Variants in COMMD10 observed in about 807,000 individuals in gnomAD.
COMMD10 encodes COMM domain containing 10.
COMMD10 carries 33 observed loss-of-function variants against 28.9 expected under a neutral mutation model. The ratio of observed to expected loss-of-function variants is 1.14; its 90% confidence interval spans 0.87 to 1.53. COMMD10 has a LOEUF of 1.53. COMMD10 is among the 40% of genes most tolerant of loss of function. The probability of loss-of-function intolerance (pLI) is 0.00; values close to 1 mark genes in which losing one functional copy is unlikely to be tolerated. For synonymous variants in COMMD10, 110 were observed against 81.7 expected (o/e 1.35, Z -1.87); for missense variants, 310 against 233.4 (o/e 1.33, Z -2.14).
chr5:116,182,875 T>C (rs1471277665), intron 5 of COMMD10, among the ~76,000 whole-genome samples: 1 of 152,090 alleles, frequency 6.6e-6, no homozygotes, highest in Non-Finnish European at 1.5e-5. Context: ...TCCCCCATGC[T>C]GTCCTTATGA....
At chr5:116,121,236 G>C (rs1378043555) in intron 4 of COMMD10, among the ~76,000 whole-genome samples, 2 of 152,010 alleles carry the variant, frequency 1.3e-5, no homozygotes, top group Non-Finnish European at 2.9e-5. Flanking sequence ...GCGGTGTTTG[G>C]TTTTCTGTCC....
chr5:116,261,326 T>C (rs1750438177), intron 5 of COMMD10, among the ~76,000 whole-genome samples: 1 of 151,694 alleles, frequency 6.6e-6, no homozygotes, highest in Non-Finnish European at 1.5e-5. Context: ...CCGTTGCTAT[T>C]TGCTTTTAAG....
At chr5:116,197,936 G>T (rs6859442) in intron 5 of COMMD10, among the ~76,000 whole-genome samples, 11,904 of 152,110 alleles carry the variant, frequency 0.078, 893 homozygotes, top group African/African-American at 0.19. Context: ...CAGAACTATG[G>T]ATGCTTTCCT....
intron 5 of COMMD10, among the ~76,000 whole-genome samples, chr5:116,230,854 G>A (rs374314412): frequency 5.0e-5 from 7 of 139,626 alleles, no homozygotes; most frequent in Non-Finnish European, 6.2e-5. Context: ...TAAATAATAC[G>A]TGTGTGTGTG....
At chr5:116,147,477 A>G (rs1467921810) in intron 5 of COMMD10, among the ~76,000 whole-genome samples, 1 of 151,924 alleles carries the variant, frequency 6.6e-6, no homozygotes, top group Non-Finnish European at 1.5e-5. Flanking sequence ...CAAATTATAC[A>G]GTATTTTAAA....
At chr5:116,218,881 A>G (rs530524295) in intron 5 of COMMD10, among the ~76,000 whole-genome samples, 22 of 152,248 alleles carry the variant, frequency 1.4e-4, no homozygotes, top group Admixed American at 1.2e-3. Flanking sequence ...AGACAGTGTT[A>G]TAGATTGAAT....
At chr5:116,128,136 C>T (rs55754311) in intron 4 of COMMD10, among the ~76,000 whole-genome samples, 12,565 of 151,862 alleles carry the variant, frequency 0.083, 1,009 homozygotes, top group African/African-American at 0.2. Flanking sequence ...ATTTTCTTTT[C>T]CTATTTTGAG....
At chr5:116,114,004 G>A (rs190747693) in intron 4 of COMMD10, among the ~76,000 whole-genome samples, 4 of 151,972 alleles carry the variant, frequency 2.6e-5, no homozygotes, top group Non-Finnish European at 5.9e-5. Flanking sequence ...TTATTTCTGG[G>A]TGTGCGCATT....
intron 4 of COMMD10, among the ~76,000 whole-genome samples, chr5:116,114,952 T>G (rs1266466591): frequency 6.6e-6 from 1 of 152,134 alleles, no homozygotes; most frequent in Non-Finnish European, 1.5e-5. Context: ...GGCTGGAGTT[T>G]ATGTCACGCT....
At chr5:116,256,572 A>G (rs572110256) in intron 5 of COMMD10, among the ~76,000 whole-genome samples, 2 of 151,662 alleles carry the variant, frequency 1.3e-5, no homozygotes, top group South Asian at 2.1e-4. Flanking sequence ...CATTTGAAAC[A>G]GTATACAGGT....
intron 4 of COMMD10, among the ~76,000 whole-genome samples, chr5:116,122,453 T>A (rs929048642): frequency 2.6e-5 from 4 of 152,224 alleles, no homozygotes; most frequent in African/African-American, 9.7e-5. Context: ...CAGGATTGAC[T>A]TGGCAATGAG....
chr5:116,227,984 G>A (rs1194491251), intron 5 of COMMD10, among the ~76,000 whole-genome samples: 1 of 152,016 alleles, frequency 6.6e-6, no homozygotes, highest in Non-Finnish European at 1.5e-5. Flanking sequence ...AGAATAAAAT[G>A]TCATCAGAAT....
intron 5 of COMMD10, among the ~76,000 whole-genome samples, chr5:116,234,925 G>T (rs1276154695): frequency 6.6e-6 from 1 of 152,170 alleles, no homozygotes; most frequent in African/African-American, 2.4e-5. Flanking sequence ...TTAGAAAAGA[G>T]TTGGATAAGA....
At chr5:116,228,223 A>G (rs1036041832) in intron 5 of COMMD10, among the ~76,000 whole-genome samples, 2 of 151,984 alleles carry the variant, frequency 1.3e-5, no homozygotes, top group Non-Finnish European at 2.9e-5. Context: ...GATTTGGTTG[A>G]AAAATAAACT....
chr5:116,086,884 C>T (rs965529627), intron 1 of COMMD10, among the ~76,000 whole-genome samples: 1 of 152,206 alleles, frequency 6.6e-6, no homozygotes, highest in African/African-American at 2.4e-5. Flanking sequence ...GGCTGAGGCA[C>T]AAGGATTCTT....
At chr5:116,248,447 G>A (rs370300713) in intron 5 of COMMD10, among the ~76,000 whole-genome samples, 9 of 151,964 alleles carry the variant, frequency 5.9e-5, no homozygotes, top group South Asian at 2.1e-4. Flanking sequence ...CAAAGACTCC[G>A]GAAAGGTAAA....
At chr5:116,122,564 C>T (rs980258286) in intron 4 of COMMD10, among the ~76,000 whole-genome samples, 1 of 152,168 alleles carries the variant, frequency 6.6e-6, no homozygotes, top group African/African-American at 2.4e-5. Flanking sequence ...CTATAAATTA[C>T]CTTGGGCAGT....
chr5:116,131,826 A>G (rs576623199), intron 4 of COMMD10, among the ~76,000 whole-genome samples: 68 of 152,174 alleles, frequency 4.5e-4, no homozygotes, highest in African/African-American at 1.3e-3. Flanking sequence ...AAAGGAAAAA[A>G]TAACAGAGGA....
At chr5:116,145,943 T>G (rs1001425887) in intron 5 of COMMD10, among the ~76,000 whole-genome samples, 1 of 151,944 alleles carries the variant, frequency 6.6e-6, no homozygotes, top group African/African-American at 2.4e-5. Context: ...TTTTATAAAT[T>G]ACCCTTTCTT....
Sources: allele counts gnomAD v4.1 joint callset (sites outside exome capture counted in the v4.1 genomes callset), GRCh38; gene constraint gnomAD v4.1.1; transcripts MANE v1.5; gene names NCBI Gene and HGNC (gene_info 2026-07-23, HGNC 2026-07-21).